Variants in PTPRT observed in about 807,000 individuals in gnomAD.
The protein encoded by PTPRT is receptor-type tyrosine-protein phosphatase T.
In PTPRT, 56 loss-of-function variants were observed where a neutral mutation model predicts 176.8. The observed-to-expected ratio is 0.32, with a 90% CI of 0.26 to 0.40. PTPRT has a LOEUF of 0.40. Ranked by LOEUF, PTPRT falls within the 10% of genes least tolerant of loss-of-function variation. PTPRT has a pLI of 1.00. For synonymous variants in PTPRT, 783 were observed against 739.0 expected (o/e 1.06, Z -0.96); for missense variants, 1,540 against 1,908.2 (o/e 0.81, Z 3.60).
chr20:43,189,610 G>A lies in PTPRT; in HGVS notation c.88+36C>T, dbSNP rs2015487969. ...GGGGCCCGCGCGCATCCAGGAGGGAGCGGGGAGCCCAGGGGAGCCGGGCGG... is the reference window on the plus strand; with the variant it reads ...GGGGCCCGCGCGCATCCAGGAGGGAACGGGGAGCCCAGGGGAGCCGGGCGG... On this transcript the variant is annotated intron_variant, in intron 1 of 30. Transcript: ENST00000373187. The surrounding 1 kb of genome is among the most constrained non-coding windows in gnomAD (Gnocchi z 5.0). 8 of 1,210,616 alleles carry A rather than the reference G, an allele frequency of 6.6e-6. No homozygotes were observed. Among genetic ancestry groups the A allele is most frequent in the East Asian group, 3.3e-5 (1 of 30,068 alleles). The allele number at this position is 1,210,616 out of a possible 1,614,324, so 75.0% of individuals were successfully genotyped here.
chr20:42,415,548 G>T (rs938436858), intron 9 of PTPRT, among the ~76,000 whole-genome samples: 3 of 152,086 alleles, frequency 2.0e-5, no homozygotes, highest in Non-Finnish European at 4.4e-5. Context: ...TTGTTCTCCT[G>T]CATGGTAGTG....
chr20:42,568,307 CAT>C (rs1297958163), intron 7 of PTPRT, among the ~76,000 whole-genome samples: 10 of 152,048 alleles, frequency 6.6e-5, no homozygotes, highest in Admixed American at 1.3e-4. Flanking sequence ...GCCAGGCAAA[CAT>C]GTGTTGGGGG....
At chr20:42,614,307 C>T (rs2145833558) in intron 7 of PTPRT, among the ~76,000 whole-genome samples, 1 of 152,266 alleles carries the variant, frequency 6.6e-6, no homozygotes, top group Middle Eastern at 3.4e-3. Flanking sequence ...ATGACCTTAT[C>T]TTAATTTAAC....
intron 9 of PTPRT, among the ~76,000 whole-genome samples, chr20:42,368,123 T>C (rs2058540118): frequency 6.6e-6 from 1 of 152,108 alleles, no homozygotes; most frequent in African/African-American, 2.4e-5. Context: ...GACCTTTCCT[T>C]CTGGTTCAGC....
intron 13 of PTPRT, among the ~76,000 whole-genome samples, chr20:42,270,745 A>T (rs1177507697): frequency 4.6e-5 from 7 of 152,228 alleles, no homozygotes; most frequent in Non-Finnish European, 1.0e-4. Context: ...CAGAAAGGTC[A>T]GTATGACTAT....
At chr20:42,980,549 C>T (rs1363476869) in intron 1 of PTPRT, among the ~76,000 whole-genome samples, 1 of 152,194 alleles carries the variant, frequency 6.6e-6, no homozygotes, top group African/African-American at 2.4e-5. Context: ...TCTTCAGAAA[C>T]TGCCTAAGCT....
chr20:42,969,103 C>T (rs555809251), intron 1 of PTPRT: 1 of 152,228 alleles, frequency 6.6e-6, no homozygotes, highest in Non-Finnish European at 1.5e-5. Flanking sequence ...TGTCACTTGT[C>T]GTTAATGGGG....
intron 12 of PTPRT, among the ~76,000 whole-genome samples, chr20:42,312,444 G>A (rs1346753559): frequency 6.6e-6 from 1 of 152,164 alleles, no homozygotes. Context: ...GAGAATGGCT[G>A]TTCTGCTTCA....
At chr20:42,866,653 C>T (rs1476336700) in intron 2 of PTPRT, among the ~76,000 whole-genome samples, 1 of 152,164 alleles carries the variant, frequency 6.6e-6, no homozygotes, top group Non-Finnish European at 1.5e-5. Flanking sequence ...TATCATGCAA[C>T]ATCCTTCAAG....
At chr20:42,166,057 G>A (rs1035171025) in intron 16 of PTPRT, among the ~76,000 whole-genome samples, 2 of 152,092 alleles carry the variant, frequency 1.3e-5, no homozygotes, top group Admixed American at 6.5e-5. Flanking sequence ...AATCCAACGT[G>A]TATTTTACAC....
intron 1 of PTPRT, among the ~76,000 whole-genome samples, chr20:43,045,777 T>A (rs1168991194): frequency 2.0e-5 from 3 of 152,070 alleles, no homozygotes; most frequent in Non-Finnish European, 4.4e-5. Context: ...CCTACCCTTT[T>A]GAGTTTATAA....
intron 7 of PTPRT, among the ~76,000 whole-genome samples, chr20:42,616,534 G>A (rs1245873945): frequency 7.9e-6 from 1 of 127,266 alleles, no homozygotes; most frequent in African/African-American, 3.7e-5. Flanking sequence ...TGGGCAGTAT[G>A]GCCATTTTCA....
intron 1 of PTPRT, among the ~76,000 whole-genome samples, chr20:42,960,427 A>T (rs768648042): frequency 3.9e-5 from 6 of 152,092 alleles, no homozygotes; most frequent in Non-Finnish European, 7.4e-5. Flanking sequence ...CATTAATCCC[A>T]TTCATGAAGA....
At chr20:42,686,781 C>T (rs1600607527) in intron 6 of PTPRT, among the ~76,000 whole-genome samples, 1 of 152,040 alleles carries the variant, frequency 6.6e-6, no homozygotes, top group African/African-American at 2.4e-5. Context: ...CGTGAGCCAC[C>T]CTGCTCAGCC....
chr20:42,959,225 G>A (rs1010242546), intron 1 of PTPRT, among the ~76,000 whole-genome samples: 3 of 152,078 alleles, frequency 2.0e-5, no homozygotes, highest in Non-Finnish European at 1.5e-5. Context: ...TTCTTATGAC[G>A]ATTACATGAG....
In PTPRT at chr20:42,115,317, T is replaced by C. The variant is rs74813126; in HGVS notation, c.2983-2A>G. The C allele has an allele frequency of 6.2e-7, 1 of 1,608,116 alleles. No homozygotes were observed. The highest frequency in any genetic ancestry group is 8.5e-7 in the Non-Finnish European group (1 of 1,174,652). On this transcript the variant is annotated splice_acceptor_variant, in intron 21 of 30. Coordinates refer to ENST00000373187, the MANE Select transcript of PTPRT (RefSeq NM_007050.6). LOFTEE classifies it high-confidence loss of function. The stretch of plus-strand genomic sequence containing the variant: ...TGGCCAGTATCGCACACATTTCACC[T>C]GTGGCCAAGTGAGAGACAGAGACAG...
chr20:42,606,293 G>A (rs2073876313), intron 7 of PTPRT, among the ~76,000 whole-genome samples: 1 of 152,176 alleles, frequency 6.6e-6, no homozygotes, highest in Non-Finnish European at 1.5e-5. Flanking sequence ...TACCAAGGCT[G>A]ATGTGGTAGG....
intron 1 of PTPRT, among the ~76,000 whole-genome samples, chr20:43,152,523 C>T (rs974896766): frequency 1.3e-5 from 2 of 152,216 alleles, no homozygotes; most frequent in Admixed American, 6.5e-5. Context: ...TCCCCAATGC[C>T]TTGCCATCCC....
intron 2 of PTPRT, among the ~76,000 whole-genome samples, chr20:42,803,844 G>A (rs570212104): frequency 3.9e-5 from 6 of 152,252 alleles, no homozygotes; most frequent in South Asian, 2.1e-4. Context: ...GTGAACCACC[G>A]CGCCTGGCCT....
Sources: gnomAD v4.1 joint callset for allele counts (sites outside exome capture counted in the v4.1 genomes callset) on GRCh38, gnomAD v4.1.1 for gene constraint, Gnocchi (gnomAD v3.1) non-coding constraint, MANE v1.5 for transcripts, NCBI Gene and HGNC (gene_info 2026-07-23, HGNC 2026-07-21) for gene names.